The following NCKAP5 variants were observed in gnomAD, a reference collection of about 807,000 sequenced individuals.
The protein encoded by NCKAP5 is nck-associated protein 5.
A neutral mutation model predicts 167.0 loss-of-function variants in NCKAP5; 92 were observed. That is an observed-to-expected ratio of 0.55 (90% CI 0.47 to 0.66). The LOEUF (loss-of-function observed/expected upper bound fraction) is 0.66. Ranked by LOEUF, NCKAP5 falls within the 30% of genes least tolerant of loss-of-function variation. The probability of loss-of-function intolerance (pLI) is 0.00; values close to 1 mark genes in which losing one functional copy is unlikely to be tolerated. For synonymous variants in NCKAP5, 891 were observed against 877.4 expected, an observed-to-expected ratio of 1.02 and a Z score of -0.27; for missense variants, 2,378 against 2,315.0, an observed-to-expected ratio of 1.03 and a Z score of -0.56.
At chr2:133,640,351 G>A in the NCKAP5 span, among the ~76,000 whole-genome samples, 2 of 152,172 alleles carry the variant, frequency 1.3e-5, no homozygotes, top group South Asian at 2.1e-4. Flanking sequence ...AGTAGGGAAG[G>A]TTTCTCTTAG....
chr2:132,699,105 C>A (rs192023994), intron 19 of NCKAP5, among the ~76,000 whole-genome samples: 7 of 152,290 alleles, frequency 4.6e-5, no homozygotes, highest in Admixed American at 4.6e-4. Context: ...GAAACTGAAG[C>A]ACAGAACCAG....
chr2:133,302,915 AAC>A (rs1680500203), intron 4 of NCKAP5, 120 bp downstream of exon 4: 1 of 582,632 alleles, frequency 1.7e-6, no homozygotes, highest in Admixed American at 2.9e-5. Context: ...CTTAGAATCT[AAC>A]AGTTTTTAGC....
At chr2:132,679,544 C>A (rs1217545522) in intron 19 of NCKAP5, among the ~76,000 whole-genome samples, 1 of 152,088 alleles carries the variant, frequency 6.6e-6, no homozygotes, top group African/African-American at 2.4e-5. Flanking sequence ...TGGATGAAGG[C>A]CAAGAAGATG....
chr2:132,795,468 T>C (rs922711536), intron 12 of NCKAP5, among the ~76,000 whole-genome samples: 3 of 152,222 alleles, frequency 2.0e-5, no homozygotes, highest in Non-Finnish European at 4.4e-5. Flanking sequence ...TCATATACTT[T>C]AAACATTCTT....
rs1156818244 is a variant in NCKAP5 at position 132,672,086 on chromosome 2, T to C, written c.*1203A>G. The C allele has an allele frequency of 1.3e-5, 2 of 152,584 alleles. No homozygotes were observed. The highest frequency in any genetic ancestry group is 2.4e-5 in the African/African-American group (1 of 41,454). The allele number at this position is 152,584 out of a possible 1,614,324, so 9.5% of individuals were successfully genotyped here. On this transcript the variant is annotated 3_prime_UTR_variant, in exon 20 of 20. Transcript: ENST00000409261. Reference sequence around the variant, plus strand: ...AATACACATAACCTTTAAAATAGAATTTATCCTTACATATAAACAGTCTTT... The same window carrying C: ...AATACACATAACCTTTAAAATAGAACTTATCCTTACATATAAACAGTCTTT...
At chr2:132,873,279 A>AT (rs568329649) in intron 9 of NCKAP5, among the ~76,000 whole-genome samples, 43 of 151,512 alleles carry the variant, frequency 2.8e-4, no homozygotes, top group Admixed American at 5.9e-4. Context: ...CATTTTATTT[A>AT]TTTTTTTGTA....
intron 5 of NCKAP5, among the ~76,000 whole-genome samples, chr2:133,167,284 G>A (rs993994250): frequency 6.6e-6 from 1 of 152,098 alleles, no homozygotes; most frequent in Non-Finnish European, 1.5e-5. Flanking sequence ...AGGGTGGAAG[G>A]CAGCATAATG....
intron 6 of NCKAP5, among the ~76,000 whole-genome samples, chr2:133,075,111 T>C (rs969893042): frequency 6.6e-6 from 1 of 152,044 alleles, no homozygotes; most frequent in Non-Finnish European, 1.5e-5. Flanking sequence ...TGAAATCAGC[T>C]AGAGGGAAAC....
At chr2:132,903,055 G>A (rs1267692936) in intron 8 of NCKAP5, among the ~76,000 whole-genome samples, 1 of 152,130 alleles carries the variant, frequency 6.6e-6, no homozygotes, top group Non-Finnish European at 1.5e-5. Context: ...TCTATAAAAT[G>A]AGAGTAAAAA....
intron 4 of NCKAP5, among the ~76,000 whole-genome samples, chr2:133,287,231 G>A (rs1549739): frequency 6.6e-6 from 1 of 151,892 alleles, no homozygotes; most frequent in Non-Finnish European, 1.5e-5. Flanking sequence ...ATTCAGTATT[G>A]TGAACCTTGT....
intron 1 of NCKAP5, among the ~76,000 whole-genome samples, chr2:133,562,388 T>C (rs1171445702): frequency 6.6e-6 from 1 of 152,212 alleles, no homozygotes; most frequent in East Asian, 1.9e-4. Context: ...ACTTTTTAAG[T>C]TGCTACAAAA....
intron 6 of NCKAP5, among the ~76,000 whole-genome samples, chr2:133,064,062 C>T (rs2080104408): frequency 6.6e-6 from 1 of 152,162 alleles, no homozygotes; most frequent in Admixed American, 6.5e-5. Flanking sequence ...GTCAAGATTG[C>T]TATTTGACTT....
intron 3 of NCKAP5, among the ~76,000 whole-genome samples, chr2:133,505,050 C>T (rs571207458): frequency 6.6e-6 from 1 of 152,238 alleles, no homozygotes; most frequent in Non-Finnish European, 1.5e-5. Flanking sequence ...GCAAGGAGAA[C>T]CAGCGGGACC....
At chr2:132,717,015 C>T (rs1689433718) in intron 19 of NCKAP5, among the ~76,000 whole-genome samples, 1 of 152,132 alleles carries the variant, frequency 6.6e-6, no homozygotes, top group African/African-American at 2.4e-5. Flanking sequence ...GCATAGTGCA[C>T]ACCCAATGTG....
At chr2:132,677,164 C>T (rs1374497503) in intron 19 of NCKAP5, among the ~76,000 whole-genome samples, 4 of 152,028 alleles carry the variant, frequency 2.6e-5, no homozygotes, top group African/African-American at 9.7e-5. Context: ...TAATATACTA[C>T]ATTTGTCACC....
At chr2:132,855,713 T>G (rs1427099383) in intron 11 of NCKAP5, among the ~76,000 whole-genome samples, 2 of 152,202 alleles carry the variant, frequency 1.3e-5, no homozygotes, top group African/African-American at 4.8e-5. Flanking sequence ...CTTTACCTTC[T>G]TCTTTACTCA....
rs544823442 is a variant in NCKAP5 at position 133,114,264 on chromosome 2, T to C, written c.341+15714A>G. ...AGCAGCATGTCTTGGAGGTATTCTCTTCTTTTATTTTCATAAAACATTACA... is the reference window on the plus strand; with the variant it reads ...AGCAGCATGTCTTGGAGGTATTCTCCTCTTTTATTTTCATAAAACATTACA... On this transcript the variant is annotated intron_variant, in intron 6 of 19. Coordinates refer to ENST00000409261, the MANE Select transcript of NCKAP5 (RefSeq NM_207363.3). Among the ~76,000 whole-genome samples the C allele has an allele frequency of 7.9e-5, 12 of 152,348 alleles. No individual in the cohort carries two copies. In the East Asian group the frequency reaches 2.3e-3, roughly 29 times the overall value.
At chr2:132,781,850 A>T in intron 14 of NCKAP5, 90 bp downstream of exon 14, 1 of 1,227,114 alleles carries the variant, frequency 8.1e-7, no homozygotes, top group Non-Finnish European at 1.1e-6. Flanking sequence ...AACATGCTTG[A>T]CTGGCCTTTA....
chr2:132,955,830 A>G (rs2076325429), intron 8 of NCKAP5, among the ~76,000 whole-genome samples: 1 of 152,128 alleles, frequency 6.6e-6, no homozygotes, highest in African/African-American at 2.4e-5. Context: ...TTGTTTCCTG[A>G]CTTTTTAATG....
Sources: gnomAD v4.1 joint callset for allele counts (sites outside exome capture counted in the v4.1 genomes callset) on GRCh38, gnomAD v4.1.1 for gene constraint, MANE v1.5 for transcripts, NCBI Gene and HGNC (gene_info 2026-07-23, HGNC 2026-07-21) for gene names.